CNTNAP4: variants seen among roughly 807,000 people sequenced by gnomAD.
The protein encoded by CNTNAP4 is contactin-associated protein-like 4.
In CNTNAP4, 98 loss-of-function variants were observed where a neutral mutation model predicts 148.4. The ratio of observed to expected loss-of-function variants is 0.66; its 90% CI spans 0.56 to 0.78. The LOEUF (loss-of-function observed/expected upper bound fraction) is 0.78, where lower values mean the gene tolerates loss of function less well. CNTNAP4 is among the 30% of genes least tolerant of loss of function. CNTNAP4 has a pLI of 0.00. For synonymous variants in CNTNAP4, 730 were observed against 565.1 expected (o/e 1.29, Z -4.14); for missense variants, 1,935 against 1,565.6 (o/e 1.24, Z -3.98).
At chr16:76,386,298 A>G (rs1055053498) in intron 3 of CNTNAP4, among the ~76,000 whole-genome samples, 1 of 152,220 alleles carries the variant, frequency 6.6e-6, no homozygotes, top group Non-Finnish European at 1.5e-5. Flanking sequence ...ATCTGTTTAT[A>G]AAAACTAGCC....
intron 3 of CNTNAP4, among the ~76,000 whole-genome samples, chr16:76,364,468 C>T (rs1002852028): frequency 1.3e-5 from 2 of 150,820 alleles, no homozygotes; most frequent in African/African-American, 5.0e-5. Context: ...TTCAAATAAT[C>T]AACCTGAGAA....
intron 3 of CNTNAP4, among the ~76,000 whole-genome samples, chr16:76,414,165 G>A (rs890605488): frequency 1.3e-5 from 2 of 151,292 alleles, no homozygotes; most frequent in African/African-American, 4.8e-5. Flanking sequence ...TTCCTATAAT[G>A]TATGATACTT....
chr16:76,292,963 A>G (rs57472036), intron 1 of CNTNAP4, among the ~76,000 whole-genome samples: 100 of 152,314 alleles, frequency 6.6e-4, no homozygotes, highest in African/African-American at 2.3e-3. Context: ...GCTTTTGAGT[A>G]GTGCTACTGA....
chr16:76,523,435 C>A (rs1477228222), intron 17 of CNTNAP4, among the ~76,000 whole-genome samples: 3 of 151,578 alleles, frequency 2.0e-5, no homozygotes, highest in Non-Finnish European at 4.4e-5. Flanking sequence ...AATGTTGTTC[C>A]TTTATTTCCT....
intron 1 of CNTNAP4, among the ~76,000 whole-genome samples, chr16:76,292,923 G>A (rs963329886): frequency 6.6e-6 from 1 of 152,156 alleles, no homozygotes; most frequent in African/African-American, 2.4e-5. Flanking sequence ...CTCCTGGAGA[G>A]TGAATATGAT....
chr16:76,489,670 C>G lies in CNTNAP4; in HGVS notation c.1883-16C>G, dbSNP rs770034946. 15 of 1,450,692 alleles carry G rather than the reference C, an allele frequency of 1.0e-5. No individual in the cohort carries two copies. The highest frequency in any genetic ancestry group is 1.5e-5 in the South Asian group (1 of 67,178). 89.9% of individuals were successfully genotyped at this position (1,450,692 alleles called of 1,614,324 possible). On this transcript the variant is annotated splice_polypyrimidine_tract_variant and intron_variant, in intron 12 of 23. Transcript: ENST00000611870. ...TGATGGTCTCCTCTCTTTCTCCCCCCATTTCTGCATACAAGAAACTGCATG... is the reference window on the plus strand; with the variant it reads ...TGATGGTCTCCTCTCTTTCTCCCCCGATTTCTGCATACAAGAAACTGCATG...
In CNTNAP4 at chr16:76,453,389, G is replaced by A. The variant is rs141023842; in HGVS notation, c.1333+620G>A. On this transcript the variant is annotated intron_variant, in intron 8 of 23. Coordinates refer to ENST00000611870, the MANE Select transcript of CNTNAP4 (RefSeq NM_033401.5). ...AATGATTAGAAGTAATGTACTTGAG[G>A]TGACTATATGAGTATCTGGATAATG... Among the ~76,000 whole-genome samples, 128 of 152,268 alleles carry A rather than the reference G, an allele frequency of 8.4e-4. 3 individuals carry two copies. In the East Asian group the frequency reaches 0.022, roughly 26 times the overall value.
At chr16:76,499,603 G>A (rs2082544299) in intron 15 of CNTNAP4, among the ~76,000 whole-genome samples, 1 of 150,840 alleles carries the variant, frequency 6.6e-6, no homozygotes, top group East Asian at 2.0e-4. Context: ...GGTGTTTCTC[G>A]GAGAGGGGGA....
chr16:76,441,965 T>A (rs552488223), intron 4 of CNTNAP4, among the ~76,000 whole-genome samples: 2 of 152,284 alleles, frequency 1.3e-5, no homozygotes, highest in African/African-American at 4.8e-5. Flanking sequence ...AGTAACTCAC[T>A]GTGATAAAGA....
chr16:76,521,501 G>A (rs1305002773), intron 16 of CNTNAP4, among the ~76,000 whole-genome samples, 191 bp downstream of exon 16: 2 of 152,126 alleles, frequency 1.3e-5, no homozygotes, highest in African/African-American at 4.8e-5. Flanking sequence ...GTGATAATTT[G>A]GGGAAATAAC....
chr16:76,511,879 T>C (rs1263251039), intron 15 of CNTNAP4, among the ~76,000 whole-genome samples: 2 of 148,830 alleles, frequency 1.3e-5, no homozygotes, highest in African/African-American at 2.4e-5. Context: ...TCAATTGAAA[T>C]ATGTGGTACA....
intron 2 of CNTNAP4, among the ~76,000 whole-genome samples, chr16:76,316,775 T>C (rs1456218699): frequency 6.6e-6 from 1 of 152,194 alleles, no homozygotes; most frequent in African/African-American, 2.4e-5. Flanking sequence ...AAATATTTTC[T>C]ACAATAATAT....
At chr16:76,404,305 A>C (rs2078524934) in intron 3 of CNTNAP4, among the ~76,000 whole-genome samples, 2 of 152,174 alleles carry the variant, frequency 1.3e-5, no homozygotes, top group African/African-American at 4.8e-5. Context: ...TAACAATAAC[A>C]AAAAAGCATA....
intron 2 of CNTNAP4, among the ~76,000 whole-genome samples, chr16:76,340,998 C>T (rs920736032): frequency 5.3e-5 from 8 of 152,182 alleles, no homozygotes; most frequent in Non-Finnish European, 8.8e-5. Flanking sequence ...CAATTTCTGA[C>T]ACTTTATATT....
intron 3 of CNTNAP4, among the ~76,000 whole-genome samples, chr16:76,369,546 G>T (rs753966306): frequency 6.6e-6 from 1 of 152,158 alleles, no homozygotes; most frequent in East Asian, 1.9e-4. Context: ...GAATGCTTCA[G>T]CTCAAGAAGA....
chr16:76,409,306 G>A (rs1490538933), intron 3 of CNTNAP4, among the ~76,000 whole-genome samples: 1 of 151,806 alleles, frequency 6.6e-6, no homozygotes, highest in Non-Finnish European at 1.5e-5. Context: ...GAATAATGTA[G>A]TTTCTTAAAA....
Position 76,330,264 on chromosome 16 carries a change from G to C in CNTNAP4, c.196+13741G>C, listed in dbSNP as rs1033550172. Among the ~76,000 whole-genome samples, 5 of 152,208 alleles carry C rather than the reference G, an allele frequency of 3.3e-5. No homozygotes were observed. The East Asian group carries it at 9.7e-4, about 29-fold the overall frequency. On this transcript the variant is annotated intron_variant, in intron 2 of 23. Transcript: ENST00000611870. ...CTTGATCCCTCCTTCTGAAAAAGGT[G>C]ATAAATTCTGTGTATTCATGGCCTG...
chr16:76,384,716 A>T (rs1052591753), intron 3 of CNTNAP4, among the ~76,000 whole-genome samples: 1 of 152,136 alleles, frequency 6.6e-6, no homozygotes, highest in African/African-American at 2.4e-5. Flanking sequence ...TGACCTCGAA[A>T]TCACCAGTTG....
intron 3 of CNTNAP4, among the ~76,000 whole-genome samples, chr16:76,397,952 A>G (rs1450225915): frequency 0.017 from 100 of 5,860 alleles, 8 homozygotes; most frequent in African/African-American, 0.047. Context: ...ATACATATAT[A>G]TATATATATA....
Sources: gnomAD v4.1 joint callset for allele counts (sites outside exome capture counted in the v4.1 genomes callset) on GRCh38, gnomAD v4.1.1 for gene constraint, MANE v1.5 for transcripts, NCBI Gene and HGNC (gene_info 2026-07-23, HGNC 2026-07-21) for gene names.